The following TENM2 variants were observed in gnomAD, a reference collection of about 807,000 sequenced individuals.
The protein encoded by TENM2 is teneurin transmembrane protein 2, also known as teneurin-2.
A neutral mutation model predicts 245.2 loss-of-function variants in TENM2; 52 were observed. The observed-to-expected ratio is 0.21, with a 90% CI of 0.17 to 0.27. The LOEUF is 0.27. Ranked by LOEUF, TENM2 falls within the 10% of genes least tolerant of loss-of-function variation. The pLI is 1.00. For synonymous variants in TENM2, 1,363 were observed against 1,438.9 expected, an observed-to-expected ratio of 0.95 and a Z score of 1.19; for missense variants, 3,046 against 3,666.8, an observed-to-expected ratio of 0.83 and a Z score of 4.37.
intron 2 of TENM2, among the ~76,000 whole-genome samples, chr5:167,588,156 C>T (rs553403910): frequency 1.3e-5 from 2 of 152,170 alleles, no homozygotes; most frequent in East Asian, 1.9e-4. Flanking sequence ...ATGACATGAA[C>T]GTGCAACATA....
At chr5:167,964,625 A>G (rs1781254600) in intron 4 of TENM2, among the ~76,000 whole-genome samples, 1 of 152,204 alleles carries the variant, frequency 6.6e-6, no homozygotes, top group Admixed American at 6.5e-5. Flanking sequence ...TGACAAATGC[A>G]GTAAGTGCCA....
intron 2 of TENM2, among the ~76,000 whole-genome samples, chr5:167,753,334 A>AT (rs2150659909): frequency 6.6e-6 from 1 of 152,316 alleles, no homozygotes; most frequent in Admixed American, 6.5e-5. Flanking sequence ...AAATGAGACT[A>AT]TCCTGGCTCT....
intron 2 of TENM2, among the ~76,000 whole-genome samples, chr5:167,617,033 C>T (rs1777835883): frequency 6.6e-6 from 1 of 152,170 alleles, no homozygotes; most frequent in African/African-American, 2.4e-5. Flanking sequence ...CTGCTGTAAA[C>T]ATTACACAAG....
chr5:168,251,433 TAG>T (rs2152700772), intron 27 of TENM2, among the ~76,000 whole-genome samples: 1 of 152,166 alleles, frequency 6.6e-6, no homozygotes, highest in African/African-American at 2.4e-5. Flanking sequence ...CAGAAACCAT[TAG>T]AGAGTCTAAA....
At chr5:167,563,035 G>C (rs1317941899) in intron 2 of TENM2, among the ~76,000 whole-genome samples, 1 of 151,902 alleles carries the variant, frequency 6.6e-6, no homozygotes. Context: ...CTAAATGCCA[G>C]TGTGTCACAT....
the TENM2 span, among the ~76,000 whole-genome samples, chr5:167,030,558 A>G: frequency 6.6e-6 from 1 of 152,120 alleles, no homozygotes; most frequent in African/African-American, 2.4e-5. Context: ...TGCCCCATGC[A>G]GATTTGCTCT....
chr5:167,674,612 A>G (rs1199487845), intron 2 of TENM2, among the ~76,000 whole-genome samples: 1 of 152,142 alleles, frequency 6.6e-6, no homozygotes, highest in African/African-American at 2.4e-5. Flanking sequence ...TGGACAAGTT[A>G]TATCATCTCC....
At chr5:167,793,559 G>T (rs1187641792) in intron 2 of TENM2, among the ~76,000 whole-genome samples, 2 of 152,024 alleles carry the variant, frequency 1.3e-5, no homozygotes, top group Non-Finnish European at 2.9e-5. Flanking sequence ...AAGAGGCCAG[G>T]TGCAGTGGCT....
intron 1 of TENM2, among the ~76,000 whole-genome samples, chr5:167,286,600 C>T (rs72829312): frequency 0.045 from 6,815 of 152,288 alleles, 251 homozygotes; most frequent in East Asian, 0.18. Flanking sequence ...AGGTGATGCA[C>T]GTTCAACGTG....
chr5:167,412,110 A>C (rs537164617), intron 2 of TENM2, among the ~76,000 whole-genome samples: 1 of 152,252 alleles, frequency 6.6e-6, no homozygotes, highest in African/African-American at 2.4e-5. Flanking sequence ...AAGTTTGCTT[A>C]ACTCTAGCAG....
intron 2 of TENM2, among the ~76,000 whole-genome samples, chr5:167,428,256 G>T (rs1217488521): frequency 6.6e-6 from 1 of 152,134 alleles, no homozygotes; most frequent in Non-Finnish European, 1.5e-5. Context: ...AGTAGGAAAT[G>T]AATCTAAATT....
the TENM2 span, among the ~76,000 whole-genome samples, chr5:167,001,103 CA>C: frequency 6.6e-6 from 1 of 152,070 alleles, no homozygotes; most frequent in South Asian, 2.1e-4. Context: ...GCTACTTAAA[CA>C]TTTTTTTGAA....
chr5:167,289,225 C>G (rs945825746), intron 1 of TENM2, among the ~76,000 whole-genome samples: 2 of 152,206 alleles, frequency 1.3e-5, no homozygotes, highest in African/African-American at 4.8e-5. Context: ...TGCACAAACT[C>G]TCAACCTGGA....
intron 2 of TENM2, among the ~76,000 whole-genome samples, chr5:167,378,550 G>T (rs1760908289): frequency 1.3e-5 from 2 of 151,922 alleles, no homozygotes; most frequent in South Asian, 2.1e-4. Flanking sequence ...AGTCAATAAT[G>T]ATTTGGCTAG....
At chr5:167,485,013 G>A (rs1290054700) in intron 2 of TENM2, among the ~76,000 whole-genome samples, 1 of 152,216 alleles carries the variant, frequency 6.6e-6, no homozygotes, top group Non-Finnish European at 1.5e-5. Context: ...TAAGTACAGT[G>A]ATATATTCTG....
At chr5:167,585,895 C>T (rs1435845333) in intron 2 of TENM2, among the ~76,000 whole-genome samples, 3 of 152,112 alleles carry the variant, frequency 2.0e-5, no homozygotes, top group African/African-American at 7.2e-5. Flanking sequence ...GAGGCCAAGG[C>T]GGGTGGATCA....
chr5:167,655,590 C>G (rs997007972), intron 2 of TENM2, among the ~76,000 whole-genome samples: 1 of 152,220 alleles, frequency 6.6e-6, no homozygotes, highest in Non-Finnish European at 1.5e-5. Flanking sequence ...TATCATGACA[C>G]TTTGCTGTAT....
At chr5:167,615,748 GA>G (rs952518458) in intron 2 of TENM2, among the ~76,000 whole-genome samples, 2 of 151,380 alleles carry the variant, frequency 1.3e-5, no homozygotes, top group Non-Finnish European at 2.9e-5. Flanking sequence ...CATCACTTAA[GA>G]AAAAAAAGAA....
chr5:167,819,460 T>C (rs1038184777), intron 2 of TENM2, among the ~76,000 whole-genome samples: 2 of 152,194 alleles, frequency 1.3e-5, no homozygotes, highest in Non-Finnish European at 2.9e-5. Context: ...CCAAGCTGAC[T>C]TCTTGCTTAG....
Sources: allele counts gnomAD v4.1 joint callset (sites outside exome capture counted in the v4.1 genomes callset), GRCh38; gene constraint gnomAD v4.1.1; transcripts MANE v1.5; gene names NCBI Gene and HGNC (gene_info 2026-07-23, HGNC 2026-07-21).